SCO1: variants seen among roughly 807,000 people sequenced by gnomAD.
SCO1 encodes the protein synthesis of cytochrome C oxidase 1.
Under a neutral mutation model 34.0 loss-of-function variants are expected in SCO1, and 23 were observed. The observed-to-expected ratio is 0.68, with a 90% CI of 0.49 to 0.96. The LOEUF is 0.96. SCO1 is among the 40% of genes least tolerant of loss of function. The probability of loss-of-function intolerance (pLI) is 0.00; values close to 1 mark genes in which losing one functional copy is unlikely to be tolerated. For synonymous variants in SCO1, 161 were observed against 145.5 expected (o/e 1.11, Z -0.77); for missense variants, 404 against 381.6 (o/e 1.06, Z -0.49).
rs1279728880 is a variant in SCO1 at position 10,672,998 on chromosome 17, CTTTTTTTTCT to C, written c.*8111_*8120del. 11 of 135,202 alleles carry C rather than the reference CTTTTTTTTCT, an allele frequency of 8.1e-5. No individual in the cohort carries two copies. Among genetic ancestry groups the C allele is most frequent in the Admixed American group, 1.6e-4 (2 of 12,812 alleles). 8.4% of individuals were successfully genotyped at this position (135,202 alleles called of 1,614,324 possible). ...ATGTCTAAAAGCTGCCCTAATTTTT[CTTTTTTTTCT>C]TTTTTTTTTTTTTTGAGATGGAGTC... On this transcript the variant is annotated 3_prime_UTR_variant, in exon 6 of 6. Coordinates refer to ENST00000255390, the MANE Select transcript of SCO1 (RefSeq NM_004589.4).
Position 10,697,493 on chromosome 17 carries a change from G to T in SCO1, c.15C>A (p.Val5=), listed in dbSNP as rs780334801. ...GCCGCATAACTCGTCCGGGTACTAG[G>T]ACCAGCATCGCCATGAGCCTCGGAG... MAML[V]LVPGRVMRPL... The change falls in exon 1 of 6, where the codon GTC becomes GTA. Residue 5 remains valine, a synonymous_variant. Coordinates refer to ENST00000255390, the MANE Select transcript of SCO1 (RefSeq NM_004589.4). 2 of 1,613,440 alleles carry T rather than the reference G, an allele frequency of 1.2e-6. No homozygotes were observed. Among genetic ancestry groups the T allele is most frequent in the South Asian group, 2.2e-5 (2 of 91,046 alleles).
intron 2 of SCO1, among the ~76,000 whole-genome samples, chr17:10,695,172 G>A (rs1027030505): frequency 6.6e-6 from 1 of 152,074 alleles, no homozygotes; most frequent in African/African-American, 2.4e-5. Flanking sequence ...GTATCTACTC[G>A]CACTATGCTC....
At chr17:10,696,577 G>A (rs1179150440) in intron 1 of SCO1, among the ~76,000 whole-genome samples, 3 of 152,210 alleles carry the variant, frequency 2.0e-5, no homozygotes, top group African/African-American at 4.8e-5. Context: ...CAATGCCAAA[G>A]TAGAAGAGGA....
At position 10,678,558 on chromosome 17, in the gene SCO1, T is replaced by C. The variant is rs752218948; in HGVS notation, c.*2561A>G. 8 of 152,242 alleles carry C rather than the reference T, an allele frequency of 5.3e-5. No homozygotes were observed. Among genetic ancestry groups the C allele is most frequent in the Non-Finnish European group, 1.2e-4 (8 of 68,042 alleles). 9.4% of individuals were successfully genotyped at this position (152,242 alleles called of 1,614,324 possible). A position where few individuals can be genotyped will look rare whatever the true frequency, so the allele number is the denominator to read the frequency against. On this transcript the variant is annotated 3_prime_UTR_variant, in exon 6 of 6. Coordinates refer to ENST00000255390, the MANE Select transcript of SCO1 (RefSeq NM_004589.4). The stretch of plus-strand genomic sequence containing the variant: ...CTGCAAAGGGATCCACACAAATGTT[T>C]TGTGGCTTAAAACAGATAATCTTTT...
In SCO1 at chr17:10,697,250, G is replaced by T; in HGVS notation, c.258C>A (p.Arg86=). ...GTGCACTCACCCCGGGCTTCGAGGG[G>T]CGCGTGGAGTCTCCGGGGCCCTTCT... is the stretch of plus-strand genomic sequence containing the variant. ...WSQKGPGDST[R]PSKPGPVSWK... Residue 86 remains arginine (R), a synonymous_variant, in exon 1 of 6, where the codon CGC becomes CGA. Transcript: ENST00000255390. 6.4e-7 allele frequency: 1 copy of T among 1,561,002 alleles called. No homozygotes were observed. Among genetic ancestry groups the T allele is most frequent in the Non-Finnish European group, 8.7e-7 (1 of 1,152,706 alleles).
At chr17:10,696,071 TAAAAAAA>T (rs869243005) in intron 1 of SCO1, among the ~76,000 whole-genome samples, 13 of 72,996 alleles carry the variant, frequency 1.8e-4, no homozygotes, top group African/African-American at 5.4e-4. Context: ...TTCATGTAAA[TAAAAAAA>T]AAAAAAAAAA....
chr17:10,694,570 A>G (rs751615739), intron 2 of SCO1, among the ~76,000 whole-genome samples: 1 of 152,218 alleles, frequency 6.6e-6, no homozygotes, highest in Non-Finnish European at 1.5e-5. Flanking sequence ...TGTAGGAAAT[A>G]CACCAAAAAG....
chr17:10,691,870 A>G lies in SCO1; in HGVS notation c.655+2T>C. On this transcript the variant is annotated splice_donor_variant, in intron 4 of 5. Transcript: ENST00000255390. LOFTEE classifies it high-confidence loss of function. ...AATGTAAAGTATTATTTAAAAAAAT[A>G]CCTTTCACATAATTTGCGATGGCTT... 1 of 1,588,070 alleles carries G rather than the reference A, an allele frequency of 6.3e-7. No homozygotes were observed. Among genetic ancestry groups the G allele is most frequent in the Non-Finnish European group, 8.6e-7 (1 of 1,156,408 alleles).
Position 10,679,284 on chromosome 17 carries a change from A to C in SCO1, c.*1835T>G, listed in dbSNP as rs2074603825. On this transcript the variant is annotated 3_prime_UTR_variant, in exon 6 of 6. Coordinates refer to ENST00000255390, the MANE Select transcript of SCO1 (RefSeq NM_004589.4). ...TTAAGAACACCAGTCATATAGAATT[A>C]GGGCCAACCTAGCAGCCTCATTTTA... 2 of 152,228 alleles carry C rather than the reference A, an allele frequency of 1.3e-5. No homozygotes were observed. Among genetic ancestry groups the C allele is most frequent in the Admixed American group, 6.5e-5 (1 of 15,276 alleles). The allele number at this position is 152,228 out of a possible 1,614,324, so 9.4% of individuals were successfully genotyped here. A position where few individuals can be genotyped will look rare whatever the true frequency, so the allele number is the denominator to read the frequency against.
intron 4 of SCO1, among the ~76,000 whole-genome samples, chr17:10,689,303 T>A (rs896798603): frequency 3.9e-5 from 6 of 152,216 alleles, no homozygotes; most frequent in African/African-American, 9.7e-5. Context: ...CTTTATTGCA[T>A]GTCAATTATA....
rs183664319 is a variant in SCO1 at position 10,696,578 on chromosome 17, T to C, written c.273+657A>G. On this transcript the variant is annotated intron_variant, in intron 1 of 5. Transcript: ENST00000255390. ...GCTTCCAGAAGTAACAATGCCAAAGTAGAAGAGGAATCTAAAAGTGGAGCT... is the reference window on the plus strand; with the variant it reads ...GCTTCCAGAAGTAACAATGCCAAAGCAGAAGAGGAATCTAAAAGTGGAGCT... Among the ~76,000 whole-genome samples the C allele has an allele frequency of 3.1e-3, 469 of 152,352 alleles. 5 individuals are homozygous for C. Among genetic ancestry groups the C allele is most frequent in the Non-Finnish European group, 3.1e-3 (213 of 68,026 alleles).
At chr17:10,685,945 T>C (rs1299670648) in intron 5 of SCO1, among the ~76,000 whole-genome samples, 2 of 152,216 alleles carry the variant, frequency 1.3e-5, no homozygotes, top group Non-Finnish European at 1.5e-5. Flanking sequence ...AAACTGCTTC[T>C]GGCTGGGCGC....
At chr17:10,696,865 G>A (rs1266067586) in intron 1 of SCO1, among the ~76,000 whole-genome samples, 1 of 152,086 alleles carries the variant, frequency 6.6e-6, no homozygotes, top group Non-Finnish European at 1.5e-5. Context: ...ACTCTGGATG[G>A]GGCTCAAGTG....
intron 4 of SCO1, among the ~76,000 whole-genome samples, chr17:10,687,926 G>A (rs947838336): frequency 1.4e-4 from 21 of 152,150 alleles, no homozygotes; most frequent in Admixed American, 6.5e-5. Context: ...TGAAGACTGT[G>A]CATAACTCAA....
Position 10,681,018 on chromosome 17 carries a change from G to A in SCO1, c.*101C>T. ...GTTCTCATGGTATGAAGGCCATTCT[G>A]TAGAGTGCACGTATATATGTTTATA... On this transcript the variant is annotated 3_prime_UTR_variant, in exon 6 of 6. Coordinates refer to ENST00000255390, the MANE Select transcript of SCO1 (RefSeq NM_004589.4). 7.2e-7 allele frequency: 1 copy of A among 1,380,314 alleles called. No homozygotes were observed. Among genetic ancestry groups the A allele is most frequent in the Non-Finnish European group, 1.0e-6 (1 of 969,660 alleles). The allele number at this position is 1,380,314 out of a possible 1,614,324, so 85.5% of individuals were successfully genotyped here.
chr17:10,687,573 C>G (rs550047841), intron 4 of SCO1, among the ~76,000 whole-genome samples: 1 of 152,214 alleles, frequency 6.6e-6, no homozygotes, highest in African/African-American at 2.4e-5. Flanking sequence ...ACTCATCATT[C>G]TAAATGAGAC....
At chr17:10,684,906 C>T (rs1010563434) in intron 5 of SCO1, among the ~76,000 whole-genome samples, 1 of 152,252 alleles carries the variant, frequency 6.6e-6, no homozygotes, top group Non-Finnish European at 1.5e-5. Flanking sequence ...GGTCCCTCTA[C>T]TTTCCTTACA....
At chr17:10,684,123 A>AG (rs1011596251) in intron 5 of SCO1, 1 of 152,248 alleles carries the variant, frequency 6.6e-6, no homozygotes, top group African/African-American at 2.4e-5. Flanking sequence ...TTATGGCAGT[A>AG]GGCCAGTATT....
rs188202589 is a variant in SCO1 at position 10,695,520 on chromosome 17, C to T, written c.364+221G>A. 478 of 495,884 alleles carry T rather than the reference C, an allele frequency of 9.6e-4. 1 individual carries two copies. Among genetic ancestry groups the T allele is most frequent in the African/African-American group, 8.8e-3 (451 of 51,528 alleles). 30.7% of individuals were successfully genotyped at this position (495,884 alleles called of 1,614,324 possible). A position where few individuals can be genotyped will look rare whatever the true frequency, so the allele number is the denominator to read the frequency against. On this transcript the variant is annotated intron_variant, in intron 2 of 5. Coordinates refer to ENST00000255390, the MANE Select transcript of SCO1 (RefSeq NM_004589.4). ...CAATCTGTAATTTAATAGTTGTGTG[C>T]CATTTAAAATTTCTTAGTCATGAAA...
Sources: gnomAD v4.1 joint callset for allele counts (sites outside exome capture counted in the v4.1 genomes callset) on GRCh38, gnomAD v4.1.1 for gene constraint, MANE v1.5 for transcripts, NCBI Gene and HGNC (gene_info 2026-07-23, HGNC 2026-07-21) for gene names.